Variants in IQSEC1 observed in about 807,000 individuals in gnomAD.
The protein encoded by IQSEC1 is IQ motif and Sec7 domain ArfGEF 1, also known as IQ motif and SEC7 domain-containing protein 1.
A neutral mutation model predicts 91.0 loss-of-function variants in IQSEC1; 31 were observed. The observed-to-expected ratio is 0.34, with a 90% CI of 0.26 to 0.46. The LOEUF is 0.46. Ranked by LOEUF, IQSEC1 falls within the 20% of genes least tolerant of loss-of-function variation. The probability of loss-of-function intolerance (pLI) is 1.00; values close to 1 mark genes in which losing one functional copy is unlikely to be tolerated. For missense variants in IQSEC1, 1,388 were observed against 1,575.6 expected (o/e 0.88, Z 2.02); for synonymous variants, 699 against 662.6 (o/e 1.05, Z -0.84).
chr3:13,077,504 G>A (rs1354058973), upstream of IQSEC1, among the ~76,000 whole-genome samples: 3 of 152,278 alleles, frequency 2.0e-5, no homozygotes, highest in East Asian at 1.9e-4. Context: ...TTCCCCACTC[G>A]GCATTATGTC....
chr3:13,241,422 C>G (rs1295238998), intron 1 of IQSEC1, among the ~76,000 whole-genome samples: 1 of 152,224 alleles, frequency 6.6e-6, no homozygotes, highest in African/African-American at 2.4e-5. Flanking sequence ...ATTTTCTACG[C>G]CTGGGAGCAG....
chr3:12,925,308 C>A (rs1247905614), intron 3 of IQSEC1, among the ~76,000 whole-genome samples: 1 of 152,208 alleles, frequency 6.6e-6, no homozygotes, highest in South Asian at 2.1e-4. Context: ...GGGGAGAAAT[C>A]GCTCTGTGCC....
intron 12 of IQSEC1, among the ~76,000 whole-genome samples, chr3:12,903,595 C>T (rs1467923777): frequency 7.9e-5 from 12 of 152,358 alleles, no homozygotes; most frequent in South Asian, 2.1e-4. Flanking sequence ...ATGCGGGGTC[C>T]GTCAGAGCAA....
At chr3:13,114,132 G>A (rs1706297006) in intron 2 of IQSEC1, among the ~76,000 whole-genome samples, 1 of 152,266 alleles carries the variant, frequency 6.6e-6, no homozygotes, top group South Asian at 2.1e-4. Flanking sequence ...GAGGGGCCAG[G>A]CTGGGCCAGA....
chr3:13,201,055 T>C (rs918861522), intron 1 of IQSEC1, among the ~76,000 whole-genome samples: 1 of 152,216 alleles, frequency 6.6e-6, no homozygotes, highest in Non-Finnish European at 1.5e-5. Flanking sequence ...GACTCACTTT[T>C]GGGGGCACTG....
At position 13,092,403 on chromosome 3, in the gene IQSEC1, G is replaced by C. The variant is rs563864003; in HGVS notation, c.303-44881C>G. ...TGCAAAACACGCCCCGGCTGACCAC[G>C]GACGTCCCAGAACGCTGTTGACCTG... On this transcript the variant is annotated intron_variant, in intron 2 of 15. Transcript: ENST00000648114. Among the ~76,000 whole-genome samples the C allele has an allele frequency of 2.4e-3, 369 of 152,226 alleles. 1 individual carries two copies. The highest frequency in any genetic ancestry group is 4.3e-3 in the Non-Finnish European group (291 of 68,006).
chr3:13,139,001 G>T (rs1251578558), intron 2 of IQSEC1, among the ~76,000 whole-genome samples: 1 of 152,098 alleles, frequency 6.6e-6, no homozygotes, highest in Non-Finnish European at 1.5e-5. Context: ...AGTTCCGGGA[G>T]CCCTCAGTGT....
At chr3:13,005,734 C>T (rs1366829915) in intron 1 of IQSEC1, among the ~76,000 whole-genome samples, 4 of 152,222 alleles carry the variant, frequency 2.6e-5, no homozygotes, top group Non-Finnish European at 5.9e-5. Context: ...GGCAGCCTGG[C>T]TCTGGAGGCT....
At position 12,915,013 on chromosome 3, in the gene IQSEC1, C is replaced by G. The variant is rs540409446; in HGVS notation, c.2190+91G>C. On this transcript the variant is annotated intron_variant, in intron 8 of 13. Transcript: ENST00000613206. ...AACTCAAGCAGCCAGCACTTGGGCT[C>G]TGGGAGCCTGGGGAGCCGGCGGACT... The G allele has an allele frequency of 2.9e-6, 4 of 1,362,526 alleles. No homozygotes were observed. In the Admixed American group the frequency reaches 8.0e-5, roughly 27 times the overall value. 84.4% of individuals were successfully genotyped at this position (1,362,526 alleles called of 1,614,324 possible).
upstream of IQSEC1, among the ~76,000 whole-genome samples, chr3:13,074,584 C>T (rs1384063494): frequency 6.6e-6 from 1 of 152,184 alleles, no homozygotes; most frequent in African/African-American, 2.4e-5. Context: ...TCCTACTTCA[C>T]GGGGGAGCGC....
Position 13,227,824 on chromosome 3 carries a change from C to T in IQSEC1, c.272+54887G>A, listed in dbSNP as rs150885734. Among the ~76,000 whole-genome samples, 70 of 152,326 alleles carry T rather than the reference C, an allele frequency of 4.6e-4. 1 individual carries two copies. In the East Asian group the frequency reaches 0.012, roughly 26 times the overall value. Reference sequence around the variant, plus strand: ...GGCATCTCACAGGAAGACGTCCACACGTGAGGAACAGAGACCACTGCCTTG... The same window carrying T: ...GGCATCTCACAGGAAGACGTCCACATGTGAGGAACAGAGACCACTGCCTTG... On this transcript the variant is annotated intron_variant, in intron 1 of 15. Coordinates refer to the IQSEC1 transcript ENST00000648114.
intron 1 of IQSEC1, among the ~76,000 whole-genome samples, chr3:13,065,689 C>T (rs1447419621): frequency 6.6e-6 from 1 of 152,214 alleles, no homozygotes; most frequent in Non-Finnish European, 1.5e-5. Flanking sequence ...CTCTTCAAAA[C>T]AGTCAGCATC....
chr3:13,145,801 G>GGGC lies in IQSEC1; in HGVS notation c.302+18300_302+18302dup, dbSNP rs1449111084. On this transcript the variant is annotated intron_variant, in intron 2 of 15. Transcript: ENST00000648114. ...TTGGGGAGTGAACCTGGGCGCCCGG[G>GGGC]GGCGGGGGGGGGGGGTCCTGATCAT... Among the ~76,000 whole-genome samples the GGGC allele has an allele frequency of 3.6e-3, 381 of 105,478 alleles. 4 individuals carry two copies. Among genetic ancestry groups the GGGC allele is most frequent in the African/African-American group, 0.013 (354 of 26,836 alleles). The allele number at this position is 105,478 out of a possible 152,430, so 69.2% of individuals were successfully genotyped here. A position where few individuals can be genotyped will look rare whatever the true frequency, so the allele number is the denominator to read the frequency against.
chr3:13,139,264 G>T (rs1706760798), intron 2 of IQSEC1, among the ~76,000 whole-genome samples: 2 of 152,172 alleles, frequency 1.3e-5, no homozygotes, highest in African/African-American at 4.8e-5. Context: ...GCTTGCCTGT[G>T]GCCCAGCCTA....
At chr3:13,078,370 C>A (rs1705595378), upstream of IQSEC1, among the ~76,000 whole-genome samples, 1 of 152,204 alleles carries the variant, frequency 6.6e-6, no homozygotes, top group Admixed American at 6.5e-5. Context: ...GCCACAGACA[C>A]TAAATCAGAG....
In IQSEC1 at chr3:12,983,601, C is replaced by T. The variant is rs1269121433; in HGVS notation, c.24-41736G>A. ...CCCAGAGGGGGTGCTGAGCCAGCCC[C>T]TGGAGCCCACTCAGCCCCGATTCCA... On this transcript the variant is annotated intron_variant, in intron 1 of 13. Coordinates refer to ENST00000613206, the MANE Select transcript of IQSEC1 (RefSeq NM_001134382.3). The surrounding 1 kb of genome is among the most constrained non-coding windows in gnomAD (Gnocchi z 4.3). Among the ~76,000 whole-genome samples the T allele has an allele frequency of 6.6e-6, 1 of 152,152 alleles. No individual in the cohort carries two copies. The highest frequency in any genetic ancestry group is 2.4e-5 in the African/African-American group (1 of 41,432).
intron 2 of IQSEC1, among the ~76,000 whole-genome samples, chr3:13,107,588 A>G (rs1383162619): frequency 6.6e-6 from 1 of 152,248 alleles, no homozygotes; most frequent in East Asian, 1.9e-4. Context: ...ACACATTCCA[A>G]GAAGAGGCTT....
At chr3:13,231,500 T>C (rs563092076) in intron 1 of IQSEC1, among the ~76,000 whole-genome samples, 34 of 152,290 alleles carry the variant, frequency 2.2e-4, no homozygotes, top group African/African-American at 7.5e-4. Context: ...TCTCTTTTTA[T>C]AAGGACACAA....
chr3:13,121,805 G>C (rs1438877502), intron 2 of IQSEC1, among the ~76,000 whole-genome samples: 1 of 152,236 alleles, frequency 6.6e-6, no homozygotes, highest in Non-Finnish European at 1.5e-5. Flanking sequence ...ATGGGGCAGT[G>C]GGCTGGGGTC....
Sources: allele counts gnomAD v4.1 joint callset (sites outside exome capture counted in the v4.1 genomes callset), GRCh38; gene constraint gnomAD v4.1.1; non-coding constraint Gnocchi (gnomAD v3.1); transcripts MANE v1.5; gene names NCBI Gene and HGNC (gene_info 2026-07-23, HGNC 2026-07-21).